PDE4D: variants seen among roughly 807,000 people sequenced by gnomAD.
The protein encoded by PDE4D is phosphodiesterase 4D, also known as 3',5'-cyclic-AMP phosphodiesterase 4D.
In PDE4D, 24 loss-of-function variants were observed where a neutral mutation model predicts 87.4. The observed-to-expected ratio is 0.27, with a 90% CI of 0.20 to 0.39. The LOEUF (loss-of-function observed/expected upper bound fraction) is 0.39, where lower values mean the gene tolerates loss of function less well. Ranked by LOEUF, PDE4D falls within the 10% of genes least tolerant of loss-of-function variation. The pLI is 1.00. For synonymous variants in PDE4D, 384 were observed against 383.2 expected (o/e 1.00, Z -0.02); for missense variants, 714 against 1,041.0 (o/e 0.69, Z 4.32).
chr5:59,527,172 T>C (rs1813307723), intron 1 of PDE4D, among the ~76,000 whole-genome samples: 1 of 152,216 alleles, frequency 6.6e-6, no homozygotes, highest in Non-Finnish European at 1.5e-5. Context: ...GGTGTGTGTG[T>C]GCATGCAAGT....
intron 1 of PDE4D, among the ~76,000 whole-genome samples, chr5:60,227,166 A>G (rs4577666): frequency 0.08 from 12,190 of 152,186 alleles, 508 homozygotes; most frequent in Non-Finnish European, 0.097. Flanking sequence ...CAAAAACAAA[A>G]TATGTTTCTA....
chr5:60,403,255 T>C (rs1741243016), intron 1 of PDE4D, among the ~76,000 whole-genome samples: 1 of 152,230 alleles, frequency 6.6e-6, no homozygotes, highest in Non-Finnish European at 1.5e-5. Context: ...AACAGGGACA[T>C]ATAACTGAAT....
intron 1 of PDE4D, among the ~76,000 whole-genome samples, chr5:60,305,723 C>T (rs1462618487): frequency 7.3e-6 from 1 of 136,092 alleles, no homozygotes; most frequent in African/African-American, 2.9e-5. Flanking sequence ...AAAAAAAAAA[C>T]TCTAGCTTCA....
intron 1 of PDE4D, among the ~76,000 whole-genome samples, chr5:59,668,791 A>G (rs1035651542): frequency 2.2e-5 from 3 of 137,508 alleles, no homozygotes; most frequent in African/African-American, 8.9e-5. Flanking sequence ...GAAGAAGAAG[A>G]AAGAAGAAGA....
intron 1 of PDE4D, among the ~76,000 whole-genome samples, chr5:59,631,746 T>C (rs566816773): frequency 9.2e-5 from 14 of 152,330 alleles, no homozygotes; most frequent in Middle Eastern, 3.4e-3. Flanking sequence ...CGGTCTTCAC[T>C]AGCCACAGAT....
intron 2 of PDE4D, among the ~76,000 whole-genome samples, chr5:60,115,661 TG>T (rs1778106909): frequency 6.6e-6 from 1 of 152,052 alleles, no homozygotes; most frequent in African/African-American, 2.4e-5. Context: ...GTGACAGAAT[TG>T]CTATTTAAAT....
chr5:59,602,052 C>T (rs1827584315), intron 1 of PDE4D, among the ~76,000 whole-genome samples: 1 of 151,902 alleles, frequency 6.6e-6, no homozygotes, highest in Non-Finnish European at 1.5e-5. Context: ...TTTAAAAACA[C>T]AATAAAAAGA....
At chr5:59,526,341 C>T (rs1383989129) in intron 1 of PDE4D, among the ~76,000 whole-genome samples, 1 of 152,128 alleles carries the variant, frequency 6.6e-6, no homozygotes, top group Non-Finnish European at 1.5e-5. Flanking sequence ...ACTAAGGGAC[C>T]ATGAAGGGGG....
At chr5:59,264,095 A>G (rs1405752920) in intron 1 of PDE4D, among the ~76,000 whole-genome samples, 1 of 152,006 alleles carries the variant, frequency 6.6e-6, no homozygotes, top group Non-Finnish European at 1.5e-5. Context: ...TTGCATGCAA[A>G]TTTAATGGTG....
intron 2 of PDE4D, among the ~76,000 whole-genome samples, chr5:60,091,828 G>A (rs576506690): frequency 3.5e-4 from 53 of 151,978 alleles, no homozygotes; most frequent in African/African-American, 1.1e-3. Flanking sequence ...CGAGACAGGC[G>A]GATCACGAGG....
At chr5:60,105,583 A>C (rs1776799174) in intron 2 of PDE4D, among the ~76,000 whole-genome samples, 1 of 152,190 alleles carries the variant, frequency 6.6e-6, no homozygotes, top group African/African-American at 2.4e-5. Context: ...AGTTGAAATG[A>C]AGGAAAAAAT....
chr5:60,133,684 C>T (rs1779787410), intron 2 of PDE4D, among the ~76,000 whole-genome samples: 1 of 152,168 alleles, frequency 6.6e-6, no homozygotes, highest in East Asian at 1.9e-4. Flanking sequence ...GCTAACTGGA[C>T]GTTTCCATTA....
intron 1 of PDE4D, among the ~76,000 whole-genome samples, chr5:59,771,550 G>GAAA (rs55740320): frequency 1.5e-5 from 2 of 134,652 alleles, no homozygotes; most frequent in Non-Finnish European, 3.1e-5. Context: ...AAGAAAGAAA[G>GAAA]AAAAGAAAGA....
At chr5:60,365,271 T>C (rs1320290796) in intron 1 of PDE4D, among the ~76,000 whole-genome samples, 2 of 152,304 alleles carry the variant, frequency 1.3e-5, no homozygotes, top group Non-Finnish European at 2.9e-5. Context: ...GCACAAACAT[T>C]TGAATTAATT....
chr5:59,679,474 TTTG>T (rs1261788916), intron 1 of PDE4D, among the ~76,000 whole-genome samples: 2 of 152,186 alleles, frequency 1.3e-5, no homozygotes, highest in African/African-American at 4.8e-5. Context: ...TCCTAGTGAT[TTTG>T]TTAACTATAA....
At chr5:59,969,931 T>G (rs145207619) in intron 3 of PDE4D, among the ~76,000 whole-genome samples, 367 of 152,280 alleles carry the variant, frequency 2.4e-3, no homozygotes, top group African/African-American at 8.4e-3. Context: ...ACAAATACAC[T>G]TCTCAAGTAC....
chr5:59,754,779 C>T (rs1283207738), intron 1 of PDE4D, among the ~76,000 whole-genome samples: 1 of 136,718 alleles, frequency 7.3e-6, no homozygotes. Flanking sequence ...TTGGCAGGTA[C>T]AGAATTTTCC....
chr5:59,031,949 G>A (rs915153558), intron 6 of PDE4D, among the ~76,000 whole-genome samples: 28 of 151,950 alleles, frequency 1.8e-4, no homozygotes, highest in Non-Finnish European at 3.7e-4. Context: ...AGGAGGGAGA[G>A]AGAAATGGAA....
intron 1 of PDE4D, among the ~76,000 whole-genome samples, chr5:59,673,516 T>C (rs1747563306): frequency 6.6e-6 from 1 of 152,210 alleles, no homozygotes; most frequent in Non-Finnish European, 1.5e-5. Flanking sequence ...GTTTTGATGA[T>C]ATTAGTGAAT....
Sources: gnomAD v4.1 joint callset for allele counts (sites outside exome capture counted in the v4.1 genomes callset) on GRCh38, gnomAD v4.1.1 for gene constraint, MANE v1.5 for transcripts, NCBI Gene and HGNC (gene_info 2026-07-23, HGNC 2026-07-21) for gene names.